NTMT1: variants seen among roughly 807,000 people sequenced by gnomAD.
NTMT1 encodes N-terminal RCC1 methyltransferase.
A neutral mutation model predicts 17.5 loss-of-function variants in NTMT1; 8 were observed. The observed-to-expected ratio is 0.46, with a 90% CI of 0.27 to 0.82. The LOEUF is 0.82. Among genes scored for constraint, NTMT1 ranks in the 40% least tolerant of loss-of-function variants. The pLI is 0.15. For missense variants in NTMT1, 221 were observed against 303.5 expected, an observed-to-expected ratio of 0.73 and a Z score of 2.02; for synonymous variants, 128 against 126.8, an observed-to-expected ratio of 1.01 and a Z score of -0.06.
chr9:129,626,366 T>A (rs374925378), intron 1 of NTMT1, 71 bp downstream of exon 1: 2 of 152,174 alleles, frequency 1.3e-5, no homozygotes, highest in Non-Finnish European at 2.9e-5. Flanking sequence ...CCTAACTGTT[T>A]CGGCGCCCTG....
At chr9:129,618,592 G>A (rs1830505284) in intron 1 of NTMT1, among the ~76,000 whole-genome samples, 1 of 152,194 alleles carries the variant, frequency 6.6e-6, no homozygotes, top group African/African-American at 2.4e-5. Context: ...AGTGTCCTGG[G>A]TTTACAAGTG....
chr9:129,618,709 T>A (rs1039635021), intron 1 of NTMT1, among the ~76,000 whole-genome samples: 8 of 151,944 alleles, frequency 5.3e-5, no homozygotes, highest in African/African-American at 1.9e-4. Flanking sequence ...TCATTTTTAT[T>A]TGAGATGGAG....
At chr9:129,624,503 C>A (rs748512926), upstream of NTMT1, among the ~76,000 whole-genome samples, 12 of 152,156 alleles carry the variant, frequency 7.9e-5, no homozygotes, top group Non-Finnish European at 1.5e-4. Context: ...ACACATCCTG[C>A]GGACTCAATG....
upstream of NTMT1, among the ~76,000 whole-genome samples, chr9:129,625,072 A>C (rs1031632303): frequency 1.3e-5 from 2 of 152,228 alleles, no homozygotes; most frequent in Non-Finnish European, 2.9e-5. Flanking sequence ...ACCCTCTCAG[A>C]GCATCAGAAG....
chr9:129,630,451 C>A (rs1240595929), intron 1 of NTMT1, among the ~76,000 whole-genome samples: 1 of 152,152 alleles, frequency 6.6e-6, no homozygotes, highest in Non-Finnish European at 1.5e-5. Flanking sequence ...AGAAAAAATT[C>A]TCCAGCTTGT....
chr9:129,622,551 G>T (rs1830765704), upstream of NTMT1, among the ~76,000 whole-genome samples: 1 of 152,140 alleles, frequency 6.6e-6, no homozygotes, highest in Non-Finnish European at 1.5e-5. Context: ...TTGCTATTGA[G>T]ATGTCATTTC....
Position 129,615,708 on chromosome 9 carries a change from C to G in NTMT1, c.-55+6530C>G. 2.0e-6 allele frequency: 3 copies of G among 1,463,644 alleles called. No individual in the cohort carries two copies. In the East Asian group the frequency reaches 7.4e-5, roughly 36 times the overall value. The allele number at this position is 1,463,644 out of a possible 1,614,324, so 90.7% of individuals were successfully genotyped here. On this transcript the variant is annotated intron_variant, in intron 1 of 3. Transcript: ENST00000372486. The stretch of plus-strand genomic sequence containing the variant: ...CCCACCGTACCCCAGCACACACGCA[C>G]CAGCCCCAGACTCGCTGTGAGATCC...
At chr9:129,630,222 C>G (rs942946702) in intron 1 of NTMT1, among the ~76,000 whole-genome samples, 1 of 152,260 alleles carries the variant, frequency 6.6e-6, no homozygotes, top group Middle Eastern at 3.4e-3. Context: ...CCTGTAATCC[C>G]AACACCTTGG....
chr9:129,622,788 G>A (rs1293821109), upstream of NTMT1, among the ~76,000 whole-genome samples: 1 of 152,112 alleles, frequency 6.6e-6, no homozygotes, highest in Non-Finnish European at 1.5e-5. Flanking sequence ...AACACTTTGG[G>A]AGACCGAGGC....
At chr9:129,612,312 C>A (rs1830131827) in intron 1 of NTMT1, 1 of 1,563,340 alleles carries the variant, frequency 6.4e-7, no homozygotes, top group Non-Finnish European at 8.8e-7. Context: ...CATTGCCTGG[C>A]CCATGTGTGC....
In NTMT1 at chr9:129,620,620, G is replaced by C. The variant is rs1233904853; in HGVS notation, c.-55+11442G>C. ...CACCGCACCCTCAGCGCGCGTGGGT[G>C]GGGGGCGCCGGCTGAGGTGGGGAGG... On this transcript the variant is annotated intron_variant, in intron 1 of 3. Transcript: ENST00000372486. The surrounding 1 kb of genome is among the most constrained non-coding windows in gnomAD (Gnocchi z 5.8). 2 of 1,291,432 alleles carry C rather than the reference G, an allele frequency of 1.5e-6. No individual in the cohort carries two copies. Among genetic ancestry groups the C allele is most frequent in the Admixed American group, 3.2e-5 (1 of 31,050 alleles). The allele number at this position is 1,291,432 out of a possible 1,614,324, so 80.0% of individuals were successfully genotyped here. A position where few individuals can be genotyped will look rare whatever the true frequency, so the allele number is the denominator to read the frequency against.
intron 1 of NTMT1, among the ~76,000 whole-genome samples, chr9:129,618,821 T>C (rs2118882864): frequency 6.6e-6 from 1 of 151,466 alleles, no homozygotes. Flanking sequence ...GCCTCCCGAG[T>C]AGCTGGGACT....
At chr9:129,634,581 A>C in intron 3 of NTMT1, 10 of 406,256 alleles carry the variant, frequency 2.5e-5, no homozygotes, top group East Asian at 4.2e-5. Context: ...TTAATGGCCA[A>C]TAACTTACTG....
At chr9:129,615,495 C>A in intron 1 of NTMT1, 1 of 1,597,536 alleles carries the variant, frequency 6.3e-7, no homozygotes, top group South Asian at 1.1e-5. Flanking sequence ...TGAGCGTCTG[C>A]GCTCCCAGTA....
At chr9:129,612,226 T>C in intron 1 of NTMT1, 1 of 762,292 alleles carries the variant, frequency 1.3e-6, no homozygotes, top group East Asian at 2.7e-5. Flanking sequence ...CAGAAAGGCT[T>C]GTGGTGTGAC....
rs1397090994 is a variant in NTMT1 at position 129,635,637 on chromosome 9, G to A, written c.*173G>A. ...TTCTTCAAAAGGCAAGGTGGGACCC[G>A]GCGGGGAGGGTGCTGCTGAACCAGC... On this transcript the variant is annotated 3_prime_UTR_variant, in exon 4 of 4. Coordinates refer to ENST00000372483, the MANE Select transcript of NTMT1 (RefSeq NM_014064.4). 1.5e-5 allele frequency: 12 copies of A among 796,034 alleles called. 1 individual carries two copies. The highest frequency in any genetic ancestry group is 9.8e-5 in the Admixed American group (4 of 40,978). 49.3% of individuals were successfully genotyped at this position (796,034 alleles called of 1,614,324 possible). A position where few individuals can be genotyped will look rare whatever the true frequency, so the allele number is the denominator to read the frequency against.
intron 1 of NTMT1, among the ~76,000 whole-genome samples, chr9:129,616,464 C>A (rs375046312): frequency 1.3e-5 from 2 of 152,164 alleles, no homozygotes; most frequent in Non-Finnish European, 2.9e-5. Flanking sequence ...GATCCACCCC[C>A]CTTCGCCTTC....
intron 1 of NTMT1, among the ~76,000 whole-genome samples, chr9:129,632,256 CT>C (rs1433562846): frequency 6.6e-6 from 1 of 152,126 alleles, no homozygotes; most frequent in African/African-American, 2.4e-5. Context: ...CAAGACCAAC[CT>C]TTGTAACATA....
intron 1 of NTMT1, among the ~76,000 whole-genome samples, chr9:129,628,340 C>T (rs952350106): frequency 4.6e-5 from 7 of 152,222 alleles, no homozygotes; most frequent in Non-Finnish European, 1.5e-5. Flanking sequence ...TGCTATTTCC[C>T]GGCCAGGATG....
Sources: gnomAD v4.1 joint callset for allele counts (sites outside exome capture counted in the v4.1 genomes callset) on GRCh38, gnomAD v4.1.1 for gene constraint, Gnocchi (gnomAD v3.1) non-coding constraint, MANE v1.5 for transcripts, NCBI Gene and HGNC (gene_info 2026-07-23, HGNC 2026-07-21) for gene names.